PRKN: variants seen among roughly 807,000 people sequenced by gnomAD.
The protein encoded by PRKN is parkin RBR E3 ubiquitin protein ligase.
Under a neutral mutation model 59.5 loss-of-function variants are expected in PRKN, and 56 were observed. The ratio of observed to expected loss-of-function variants is 0.94; its 90% CI spans 0.76 to 1.18. The LOEUF (loss-of-function observed/expected upper bound fraction) is 1.18. Ranked by LOEUF, PRKN falls within the 50% of genes most tolerant of loss-of-function variation. The probability of loss-of-function intolerance (pLI) is 0.00; values close to 1 mark genes in which losing one functional copy is unlikely to be tolerated. For missense variants in PRKN, 657 were observed against 596.4 expected (o/e 1.10, Z -1.06); for synonymous variants, 250 against 222.1 (o/e 1.13, Z -1.12).
chr6:162,695,770 A>C (rs971899264), intron 1 of PRKN, among the ~76,000 whole-genome samples: 28 of 152,348 alleles, frequency 1.8e-4, no homozygotes, highest in African/African-American at 6.7e-4. Context: ...TTGGTTGGAA[A>C]ATGTAAGTTA....
rs1413949432 is a variant in PRKN, at chr6:161,462,691, G to A, written c.1084-75814C>T. ...CAGAGGTTAACTTGCTGAAAAATAA[G>A]CTGAATTCGTTGGGAATTGCTGCTA... On this transcript the variant is annotated intron_variant, in intron 9 of 11. Coordinates refer to ENST00000366898, the MANE Select transcript of PRKN (RefSeq NM_004562.3). The surrounding 1 kb of genome is among the most constrained non-coding windows in gnomAD (Gnocchi z 4.5). Among the ~76,000 whole-genome samples, 2 of 152,122 alleles carry A rather than the reference G, an allele frequency of 1.3e-5. No homozygotes were observed. Among genetic ancestry groups the A allele is most frequent in the African/African-American group, 4.8e-5 (2 of 41,416 alleles).
intron 2 of PRKN, among the ~76,000 whole-genome samples, chr6:162,294,826 G>A (rs953087754): frequency 6.6e-6 from 1 of 152,148 alleles, no homozygotes; most frequent in Non-Finnish European, 1.5e-5. Flanking sequence ...TGTAAGTAAT[G>A]CAGATTCAGG....
intron 7 of PRKN, among the ~76,000 whole-genome samples, chr6:161,683,450 C>T (rs1249468904): frequency 6.6e-6 from 1 of 152,190 alleles, no homozygotes; most frequent in African/African-American, 2.4e-5. Flanking sequence ...ATCTCTGGGA[C>T]TCCTTTAACA....
intron 2 of PRKN, among the ~76,000 whole-genome samples, chr6:162,329,483 G>A (rs1783476361): frequency 6.6e-6 from 1 of 152,126 alleles, no homozygotes; most frequent in African/African-American, 2.4e-5. Context: ...GACTCCGTAA[G>A]CAAGTTCCTA....
intron 1 of PRKN, among the ~76,000 whole-genome samples, chr6:162,720,438 CT>C (rs148313968): frequency 6.7e-4 from 60 of 90,082 alleles, no homozygotes; most frequent in African/African-American, 2.3e-3. Flanking sequence ...CATAGATGGT[CT>C]TTTTTTTTTT....
At chr6:162,340,045 T>C (rs2128127839) in intron 2 of PRKN, among the ~76,000 whole-genome samples, 1 of 147,398 alleles carries the variant, frequency 6.8e-6, no homozygotes, top group East Asian at 2.0e-4. Context: ...GAGACCTTTG[T>C]TCACTTGTTT....
chr6:161,649,860 C>CAGTG (rs2128161172), intron 7 of PRKN, among the ~76,000 whole-genome samples: 1 of 152,328 alleles, frequency 6.6e-6, no homozygotes, highest in African/African-American at 2.4e-5. Flanking sequence ...CAACAGGGTA[C>CAGTG]AGTGACACTA....
intron 7 of PRKN, among the ~76,000 whole-genome samples, chr6:161,754,414 C>T (rs1163277218): frequency 6.6e-6 from 1 of 151,966 alleles, no homozygotes; most frequent in East Asian, 1.9e-4. Context: ...ACACGCGGGG[C>T]ATCCAGGGAA....
At position 161,906,659 on chromosome 6, in the gene PRKN, C is replaced by CATATATATATATATATAT. The variant is rs144796790; in HGVS notation, c.734+66642_734+66643insATATATATATATATATAT. Among the ~76,000 whole-genome samples, 703 of 116,146 alleles carry CATATATATATATATATAT rather than the reference C, an allele frequency of 6.1e-3. 26 individuals carry two copies. Among genetic ancestry groups the CATATATATATATATATAT allele is most frequent in the African/African-American group, 0.015 (433 of 28,036 alleles). 76.2% of individuals were successfully genotyped at this position (116,146 alleles called of 152,430 possible). On this transcript the variant is annotated intron_variant, in intron 6 of 11. Transcript: ENST00000366898. ...AGAGGGACAAATCTAATAGAACATA[C>CATATATATATATATATAT]ATATATATATATATATGTATATATG...
At chr6:161,364,047 T>C (rs971192313) in intron 10 of PRKN, among the ~76,000 whole-genome samples, 1 of 151,320 alleles carries the variant, frequency 6.6e-6, no homozygotes, top group Non-Finnish European at 1.5e-5. Context: ...TGGGCGCCTG[T>C]AGTCCCAGCT....
At chr6:161,885,662 CT>C (rs1241623153) in intron 6 of PRKN, among the ~76,000 whole-genome samples, 1 of 88,140 alleles carries the variant, frequency 1.1e-5, no homozygotes, top group East Asian at 3.6e-4. Flanking sequence ...GAGACTCTGT[CT>C]CAAAAAAAAA....
chr6:161,567,969 C>G (rs1380241903), intron 8 of PRKN, among the ~76,000 whole-genome samples: 6 of 152,158 alleles, frequency 3.9e-5, no homozygotes, highest in Non-Finnish European at 8.8e-5. Context: ...CAGTTGTCAA[C>G]TTTTACCTGC....
intron 1 of PRKN, among the ~76,000 whole-genome samples, chr6:162,668,981 C>T (rs1779216055): frequency 6.6e-6 from 1 of 152,124 alleles, no homozygotes; most frequent in African/African-American, 2.4e-5. Flanking sequence ...GAGATAGACA[C>T]AATGATTCCC....
At chr6:161,978,884 G>C (rs996105355) in intron 5 of PRKN, among the ~76,000 whole-genome samples, 1 of 152,226 alleles carries the variant, frequency 6.6e-6, no homozygotes, top group African/African-American at 2.4e-5. Flanking sequence ...GGGAGCAGCC[G>C]GGCAGTGTCC....
chr6:161,501,941 CTGGGGGAAGATA>C (rs1404091971), intron 9 of PRKN, among the ~76,000 whole-genome samples: 23 of 152,076 alleles, frequency 1.5e-4, no homozygotes. Flanking sequence ...TGCGGCTGTT[CTGGGGGAAGATA>C]TAACACTACG....
At position 162,003,455 on chromosome 6, in the gene PRKN, A is replaced by G. The variant is rs1049716004; in HGVS notation, c.619-30038T>C. 5.9e-5 allele frequency among the ~76,000 whole-genome samples: 9 copies of G among 152,262 alleles called. No homozygotes were observed. In the South Asian group the frequency reaches 1.9e-3, roughly 32 times the overall value. On this transcript the variant is annotated intron_variant, in intron 5 of 11. Coordinates refer to ENST00000366898, the MANE Select transcript of PRKN (RefSeq NM_004562.3). ...GCTTAGGTTCTCAGGAACACCTGCT[A>G]CTTGGCTGAGCCCCATAGCCTTGGC...
chr6:161,798,717 T>C (rs759023224), intron 6 of PRKN, among the ~76,000 whole-genome samples: 1 of 152,206 alleles, frequency 6.6e-6, no homozygotes, highest in Non-Finnish European at 1.5e-5. Flanking sequence ...AAAGATGTTT[T>C]GGTGTTAAAA....
At chr6:162,011,400 A>AATATATAATATATTAT (rs1562458902) in intron 5 of PRKN, among the ~76,000 whole-genome samples, 1 of 15,834 alleles carries the variant, frequency 6.3e-5, no homozygotes, top group African/African-American at 4.5e-4. Context: ...TATATATTAT[A>AATATATAATATATTAT]AATATATAAT....
intron 6 of PRKN, among the ~76,000 whole-genome samples, chr6:161,949,566 G>A (rs183836947): frequency 1.3e-5 from 2 of 152,240 alleles, no homozygotes; most frequent in Admixed American, 1.3e-4. Flanking sequence ...AAGTGATAGA[G>A]TTATAACTCC....
Sources: allele counts gnomAD v4.1 joint callset (sites outside exome capture counted in the v4.1 genomes callset), GRCh38; gene constraint gnomAD v4.1.1; non-coding constraint Gnocchi (gnomAD v3.1); transcripts MANE v1.5; gene names NCBI Gene and HGNC (gene_info 2026-07-23, HGNC 2026-07-21).